The following MAP4 variants were observed in gnomAD, a reference collection of about 807,000 sequenced individuals.
The protein encoded by MAP4 is microtubule-associated protein 4.
In MAP4, 76 loss-of-function variants were observed where a neutral mutation model predicts 170.2. The ratio of observed to expected loss-of-function variants is 0.45; its 90% confidence interval spans 0.37 to 0.54. MAP4 has a LOEUF of 0.54. MAP4 is among the 20% of genes least tolerant of loss of function. The pLI is 0.00. For missense variants in MAP4, 2,506 were observed against 2,748.0 expected (o/e 0.91, Z 1.97); for synonymous variants, 909 against 994.5 (o/e 0.91, Z 1.62).
intron 1 of MAP4, among the ~76,000 whole-genome samples, chr3:48,083,685 T>C (rs1221631065): frequency 6.6e-6 from 1 of 150,694 alleles, no homozygotes; most frequent in Non-Finnish European, 1.5e-5. Context: ...TTTAAACATA[T>C]TTAAATATAT....
intron 10 of MAP4, among the ~76,000 whole-genome samples, chr3:47,897,944 G>GGC (rs1051073078): frequency 6.8e-6 from 1 of 146,758 alleles, no homozygotes; most frequent in African/African-American, 2.7e-5. Context: ...TCCATATCGG[G>GGC]GGGGGGAAAA....
intron 3 of MAP4, among the ~76,000 whole-genome samples, chr3:47,930,112 CAG>C (rs2100048636): frequency 6.6e-6 from 1 of 151,868 alleles, no homozygotes; most frequent in Non-Finnish European, 1.5e-5. Context: ...CCTGGGGCAA[CAG>C]AGTGAGACTG....
intron 1 of MAP4, chr3:48,039,472 TAG>T (rs1194658066): frequency 1.3e-5 from 2 of 153,090 alleles, no homozygotes; most frequent in Non-Finnish European, 2.9e-5. Flanking sequence ...CTCCTTCAGA[TAG>T]AGACAGCACT....
chr3:48,057,092 A>C (rs2100132497), intron 1 of MAP4, among the ~76,000 whole-genome samples: 1 of 147,964 alleles, frequency 6.8e-6, no homozygotes, highest in Non-Finnish European at 1.5e-5. Context: ...CCCGGCCACC[A>C]CCCCGTCTGG....
chr3:47,890,593 G>A (rs1255739873), intron 10 of MAP4, among the ~76,000 whole-genome samples: 2 of 152,140 alleles, frequency 1.3e-5, no homozygotes, highest in Non-Finnish European at 2.9e-5. Flanking sequence ...TAAAGTGACA[G>A]ATTTTCAAGC....
intron 4 of MAP4, among the ~76,000 whole-genome samples, chr3:47,924,091 A>G (rs1210460320): frequency 1.3e-5 from 2 of 152,204 alleles, no homozygotes; most frequent in Non-Finnish European, 2.9e-5. Context: ...TTAGTCATTA[A>G]TTTTTTACTG....
chr3:47,977,961 T>C, intron 2 of MAP4, 28 bp from the exon 3 acceptor site: 9 of 1,493,904 alleles, frequency 6.0e-6, no homozygotes, highest in Non-Finnish European at 8.4e-6. Flanking sequence ...AATTACCCAT[T>C]GTGACAGACA....
chr3:47,877,423 T>C lies in MAP4; in HGVS notation c.5535A>G (p.Lys1845=), dbSNP rs1447180116. 5 of 1,613,680 alleles carry C rather than the reference T, an allele frequency of 3.1e-6. No homozygotes were observed. Among genetic ancestry groups the C allele is most frequent in the Admixed American group, 1.7e-5 (1 of 60,010 alleles). ...CCACCATTCTGGCACCTACCTTTGT[T>C]TTCTTCTCTGGGCTTGGTGGGAGCT... ...NKELPPSPEK[K]TKPLATTQPA... is the part of the protein sequence containing the mutation. Residue 1845 remains lysine, a synonymous_variant, in exon 11 of 21, where the codon AAA becomes AAG. Coordinates refer to ENST00000683076, the MANE Select transcript of MAP4 (RefSeq NM_001385682.1).
In MAP4 at chr3:47,928,345, G is replaced by T. The variant is rs1282994515; in HGVS notation, c.298C>A (p.Pro100Thr). The change falls in exon 4 of 21, where the codon CCA becomes ACA. Residue 100 changes from proline to threonine, a missense_variant. Coordinates refer to ENST00000683076, the MANE Select transcript of MAP4 (RefSeq NM_001385682.1). ...GVEGSDTTGS[P>T]TEFLEEKMAY... is the part of the protein sequence containing the mutation. The stretch of plus-strand genomic sequence containing the variant: ...ATTTTCTCTTCAAGGAATTCAGTTG[G>T]AGACCCTTAAAATAGAGACACAAAA... 5 of 1,613,854 alleles carry T rather than the reference G, an allele frequency of 3.1e-6. No individual in the cohort carries two copies. The highest frequency in any genetic ancestry group is 1.7e-5 in the Admixed American group (1 of 59,986).
chr3:47,921,634 C>T (rs947370479), intron 5 of MAP4, 131 bp downstream of exon 5: 7 of 607,036 alleles, frequency 1.2e-5, no homozygotes, highest in African/African-American at 1.9e-5. Flanking sequence ...ATATTAAATT[C>T]ACATTTTAAA....
intron 3 of MAP4, among the ~76,000 whole-genome samples, chr3:47,939,646 A>G (rs2100055051): frequency 6.6e-6 from 1 of 152,078 alleles, no homozygotes; most frequent in African/African-American, 2.4e-5. Context: ...TTTCTAAGAT[A>G]GACATTAAAA....
At chr3:48,040,132 C>T (rs775409523) in intron 1 of MAP4, among the ~76,000 whole-genome samples, 5 of 152,142 alleles carry the variant, frequency 3.3e-5, no homozygotes, top group Non-Finnish European at 5.9e-5. Context: ...CAAAGTCTGA[C>T]CCCAAAGTGC....
intron 17 of MAP4, among the ~76,000 whole-genome samples, chr3:47,865,706 C>T (rs1014412855): frequency 6.6e-6 from 1 of 152,108 alleles, no homozygotes; most frequent in Admixed American, 6.5e-5. Flanking sequence ...GAGAAAGAAC[C>T]GAATGAACTC....
intron 10 of MAP4, among the ~76,000 whole-genome samples, chr3:47,900,931 A>G (rs2100029642): frequency 6.6e-6 from 1 of 152,184 alleles, no homozygotes; most frequent in Admixed American, 6.5e-5. Context: ...GAGGCACACA[A>G]TACCCCTAGG....
intron 2 of MAP4, among the ~76,000 whole-genome samples, chr3:47,982,888 T>C (rs1480228029): frequency 6.6e-6 from 1 of 152,030 alleles, no homozygotes; most frequent in Non-Finnish European, 1.5e-5. Flanking sequence ...TACATGAAAA[T>C]GAAGGGAGTT....
At chr3:48,087,382 G>A (rs546522123) in intron 1 of MAP4, among the ~76,000 whole-genome samples, 2 of 152,246 alleles carry the variant, frequency 1.3e-5, no homozygotes, top group South Asian at 4.1e-4. Flanking sequence ...GCTCAGCTTG[G>A]ATTCAGGATT....
At chr3:48,013,693 T>C in intron 1 of MAP4, among the ~76,000 whole-genome samples, 1 of 146,338 alleles carries the variant, frequency 6.8e-6, no homozygotes. Flanking sequence ...TCATTTATAA[T>C]TGGGTTGAGG....
At chr3:47,996,597 C>T (rs2100095786) in intron 2 of MAP4, among the ~76,000 whole-genome samples, 1 of 152,128 alleles carries the variant, frequency 6.6e-6, no homozygotes, top group Non-Finnish European at 1.5e-5. Context: ...AAGGCAATTA[C>T]GGTAATGACA....
chr3:48,053,395 T>A (rs1559863113), intron 1 of MAP4, among the ~76,000 whole-genome samples: 1 of 152,132 alleles, frequency 6.6e-6, no homozygotes, highest in Non-Finnish European at 1.5e-5. Context: ...TCCTATTTCC[T>A]CCAAGAACAA....
Sources: allele counts gnomAD v4.1 joint callset (sites outside exome capture counted in the v4.1 genomes callset), GRCh38; gene constraint gnomAD v4.1.1; transcripts MANE v1.5; gene names NCBI Gene and HGNC (gene_info 2026-07-23, HGNC 2026-07-21).